DNM3: variants seen among roughly 807,000 people sequenced by gnomAD.
DNM3 encodes dynamin-3.
In DNM3, 47 loss-of-function variants were observed where a neutral mutation model predicts 101.6. That is an observed-to-expected ratio of 0.46 (90% CI 0.37 to 0.59). The LOEUF (loss-of-function observed/expected upper bound fraction) is 0.59, where lower values mean the gene tolerates loss of function less well. Ranked by LOEUF, DNM3 falls within the 20% of genes least tolerant of loss-of-function variation. The pLI is 0.00. For missense variants in DNM3, 849 were observed against 1,085.7 expected (o/e 0.78, Z 3.06); for synonymous variants, 385 against 387.9 (o/e 0.99, Z 0.09).
intron 17 of DNM3, among the ~76,000 whole-genome samples, chr1:172,324,375 C>T (rs2065857552): frequency 6.6e-6 from 1 of 152,138 alleles, no homozygotes; most frequent in Admixed American, 6.5e-5. Context: ...AAATCTTTTG[C>T]AGTTTAATCT....
At chr1:171,936,359 A>AAAAGAAAG (rs3051605) in intron 2 of DNM3, among the ~76,000 whole-genome samples, 96,411 of 150,560 alleles carry the variant, frequency 0.64, 31,050 homozygotes, top group Middle Eastern at 0.68. Flanking sequence ...TCAAAAAAAG[A>AAAAGAAAG]AAAGAAAGAA....
In DNM3 at chr1:172,313,277, A is replaced by G. The variant is rs56109092; in HGVS notation, c.1881+4438A>G. On this transcript the variant is annotated intron_variant, in intron 16 of 20. Transcript: ENST00000627582. ...TTTTCACTGATGAGACTGAAATACA[A>G]TCAGTCTGTATTGTGTGTGCGTATG... Among the ~76,000 whole-genome samples, 1,057 of 152,332 alleles carry G rather than the reference A, an allele frequency of 6.9e-3. 9 individuals are homozygous for G. Among genetic ancestry groups the G allele is most frequent in the African/African-American group, 0.024 (1,000 of 41,578 alleles).
chr1:172,176,694 T>G (rs1385848449), intron 14 of DNM3, among the ~76,000 whole-genome samples: 1 of 151,838 alleles, frequency 6.6e-6, no homozygotes, highest in Non-Finnish European at 1.5e-5. Context: ...ACATCTTAGT[T>G]TGGGGGCAAT....
intron 2 of DNM3, among the ~76,000 whole-genome samples, chr1:171,945,996 T>A (rs1184892471): frequency 1.3e-5 from 2 of 152,140 alleles, no homozygotes; most frequent in South Asian, 4.1e-4. Flanking sequence ...AGGAGTGTGG[T>A]GCCTTGCGCA....
At chr1:172,237,038 C>G (rs1018691129) in intron 14 of DNM3, among the ~76,000 whole-genome samples, 32 of 152,078 alleles carry the variant, frequency 2.1e-4, no homozygotes, top group African/African-American at 6.8e-4. Context: ...TAGTTTGCGC[C>G]ACACAACTCA....
intron 14 of DNM3, chr1:172,133,242 G>T (rs2148094453): frequency 9.1e-7 from 1 of 1,095,220 alleles, no homozygotes; most frequent in South Asian, 4.2e-5. Flanking sequence ...GAAGGAAGAA[G>T]CTTTGAAGGC....
At chr1:171,865,714 A>T (rs1333004761) in intron 1 of DNM3, among the ~76,000 whole-genome samples, 2 of 152,176 alleles carry the variant, frequency 1.3e-5, no homozygotes, top group African/African-American at 2.4e-5. Context: ...ATCTTCGAGG[A>T]TTAAGAAACA....
At chr1:172,288,135 T>C (rs2063770262) in intron 15 of DNM3, among the ~76,000 whole-genome samples, 2 of 152,226 alleles carry the variant, frequency 1.3e-5, no homozygotes, top group Admixed American at 6.5e-5. Context: ...TCTCATGGAA[T>C]TCACAGTATA....
At chr1:171,951,861 A>G (rs2042549239) in intron 2 of DNM3, among the ~76,000 whole-genome samples, 1 of 152,204 alleles carries the variant, frequency 6.6e-6, no homozygotes, top group South Asian at 2.1e-4. Context: ...GGTTTTATAC[A>G]TTTTAGGGAG....
intron 10 of DNM3, among the ~76,000 whole-genome samples, chr1:172,055,905 G>A (rs1472802287): frequency 2.0e-5 from 3 of 152,202 alleles, no homozygotes; most frequent in Non-Finnish European, 4.4e-5. Context: ...GAAGACTGGT[G>A]ATTTCTGCAT....
intron 4 of DNM3, among the ~76,000 whole-genome samples, chr1:172,008,623 G>A (rs1298087559): frequency 6.7e-6 from 1 of 148,748 alleles, no homozygotes; most frequent in Non-Finnish European, 1.5e-5. Flanking sequence ...AAGAGTCAAA[G>A]TTCATTATTT....
chr1:172,193,774 G>A (rs1220355416), intron 14 of DNM3, among the ~76,000 whole-genome samples: 2 of 151,968 alleles, frequency 1.3e-5, no homozygotes, highest in East Asian at 1.9e-4. Flanking sequence ...AGTCTTGCTA[G>A]CGGTCTATCA....
chr1:172,198,638 T>C (rs1325184214), intron 14 of DNM3, among the ~76,000 whole-genome samples: 3 of 152,108 alleles, frequency 2.0e-5, no homozygotes, highest in Non-Finnish European at 4.4e-5. Context: ...TGACTGAGTA[T>C]TAGAGGATGT....
intron 15 of DNM3, among the ~76,000 whole-genome samples, chr1:172,258,778 C>T (rs572548838): frequency 3.3e-5 from 5 of 150,914 alleles, no homozygotes; most frequent in Admixed American, 1.3e-4. Flanking sequence ...TATTTATTTC[C>T]TTCTATTAAT....
intron 13 of DNM3, among the ~76,000 whole-genome samples, chr1:172,125,126 A>G (rs1440473372): frequency 6.6e-6 from 1 of 152,168 alleles, no homozygotes; most frequent in Non-Finnish European, 1.5e-5. Flanking sequence ...CTGCTTATCT[A>G]CTGAGAAAGC....
chr1:172,056,312 A>C (rs1329298634), intron 10 of DNM3, among the ~76,000 whole-genome samples: 9 of 152,336 alleles, frequency 5.9e-5, no homozygotes, highest in East Asian at 1.9e-4. Flanking sequence ...ACAAAGCAGC[A>C]GGGAAGCTCG....
intron 14 of DNM3, among the ~76,000 whole-genome samples, chr1:172,200,857 T>C (rs543948608): frequency 2.6e-5 from 4 of 152,298 alleles, no homozygotes; most frequent in African/African-American, 9.6e-5. Flanking sequence ...ATCTTGATGA[T>C]CTCTGTTCCT....
chr1:172,231,983 T>C (rs1047012608), intron 14 of DNM3, among the ~76,000 whole-genome samples: 3 of 152,144 alleles, frequency 2.0e-5, no homozygotes, highest in African/African-American at 4.8e-5. Flanking sequence ...TACCTGAAAG[T>C]GACGGGGAGA....
intron 13 of DNM3, among the ~76,000 whole-genome samples, chr1:172,095,231 C>T (rs1418134011): frequency 9.9e-5 from 15 of 152,120 alleles, no homozygotes; most frequent in Admixed American, 7.9e-4. Flanking sequence ...GAGTTAGAGA[C>T]AGCACCATAT....
Sources: allele counts gnomAD v4.1 joint callset (sites outside exome capture counted in the v4.1 genomes callset), GRCh38; gene constraint gnomAD v4.1.1; transcripts MANE v1.5; gene names NCBI Gene and HGNC (gene_info 2026-07-23, HGNC 2026-07-21).